Variants in STK3 observed in about 807,000 individuals in gnomAD.
The protein encoded by STK3 is serine/threonine-protein kinase 3.
STK3 carries 41 observed loss-of-function variants against 58.0 expected under a neutral mutation model. The observed-to-expected ratio is 0.71, with a 90% CI of 0.55 to 0.92. The LOEUF is 0.92. Ranked by LOEUF, STK3 falls within the 40% of genes least tolerant of loss-of-function variation. STK3 has a pLI of 0.00. For missense variants in STK3, 479 were observed against 602.7 expected, an observed-to-expected ratio of 0.79 and a Z score of 2.15; for synonymous variants, 170 against 191.0, an observed-to-expected ratio of 0.89 and a Z score of 0.91.
rs367741859 is a variant in STK3, at chr8:98,455,902, C to T, written c.1416G>A (p.Ala472=). 6.9e-5 allele frequency: 112 copies of T among 1,613,536 alleles called. No individual in the cohort carries two copies. Among genetic ancestry groups the T allele is most frequent in the East Asian group, 4.2e-4 (19 of 44,882 alleles). The stretch of plus-strand genomic sequence containing the variant: ...TCGCATCCAGAATGGGCTGTCTTTT[C>T]GCAGTGTATCTCTGACGAAGTTCTT... ...EIEELRQRYT[A]KRQPILDAMD... Residue 472 remains alanine (A), a synonymous_variant, in exon 11 of 11, where the codon GCG becomes GCA. Coordinates refer to ENST00000419617, the MANE Select transcript of STK3 (RefSeq NM_006281.4).
downstream of STK3, among the ~76,000 whole-genome samples, chr8:98,453,080 GTTTTTTTTTTT>G (rs919288019): frequency 2.5e-5 from 1 of 39,680 alleles, no homozygotes; most frequent in Non-Finnish European, 4.7e-5. Flanking sequence ...TTTCTTTCTT[GTTTTTTTTTTT>G]TTTTTTTTTT....
chr8:98,610,711 C>G (rs550056145), intron 6 of STK3, among the ~76,000 whole-genome samples: 1 of 152,228 alleles, frequency 6.6e-6, no homozygotes, highest in South Asian at 2.1e-4. Context: ...AGAGCATGAT[C>G]TAGGAGGGAA....
At chr8:98,839,678 A>G (rs1835889163) in intron 3 of STK3, among the ~76,000 whole-genome samples, 1 of 152,154 alleles carries the variant, frequency 6.6e-6, no homozygotes, top group African/African-American at 2.4e-5. Flanking sequence ...TTATCCATGG[A>G]ATACTTTTAC....
intron 1 of STK3, among the ~76,000 whole-genome samples, chr8:98,919,989 C>A (rs182469429): frequency 2.2e-4 from 33 of 152,276 alleles, no homozygotes; most frequent in African/African-American, 7.5e-4. Context: ...CTTATGAATC[C>A]AATCTTTTTC....
At chr8:98,651,380 C>T (rs1293088743) in intron 6 of STK3, 2 of 152,198 alleles carry the variant, frequency 1.3e-5, no homozygotes, top group Admixed American at 1.3e-4. Flanking sequence ...GATAAAACCA[C>T]AAAGATGGGG....
At chr8:98,441,720 C>T (rs557935786) in intron 1 of STK3, among the ~76,000 whole-genome samples, 1 of 152,182 alleles carries the variant, frequency 6.6e-6, no homozygotes, top group Non-Finnish European at 1.5e-5. Context: ...AGTGTCTCCC[C>T]TCTTGGCTTC....
intron 3 of STK3, among the ~76,000 whole-genome samples, chr8:98,394,011 C>T (rs568819570): frequency 1.3e-5 from 2 of 152,222 alleles, no homozygotes; most frequent in South Asian, 4.1e-4. Flanking sequence ...TATTGGAGTA[C>T]AAGGCTTTAG....
At chr8:98,516,232 A>G (rs927911302) in intron 10 of STK3, among the ~76,000 whole-genome samples, 1 of 152,220 alleles carries the variant, frequency 6.6e-6, no homozygotes, top group South Asian at 2.1e-4. Context: ...AAGAGGAAAA[A>G]AAAGTATAAA....
intron 1 of STK3, among the ~76,000 whole-genome samples, chr8:98,791,176 C>T (rs550430545): frequency 1.6e-4 from 24 of 152,186 alleles, no homozygotes; most frequent in African/African-American, 5.8e-4. Flanking sequence ...ACACCAACAG[C>T]GACCAAGCTG....
At chr8:98,401,309 G>C (rs1225513827), downstream of STK3, 1 of 152,240 alleles carries the variant, frequency 6.6e-6, no homozygotes, top group Non-Finnish European at 1.5e-5. Flanking sequence ...AACTGCAGGA[G>C]AGACCCCATG....
chr8:98,583,845 A>ATGTGTGTGTGTGTGTG lies in STK3; in HGVS notation c.823-4072_823-4057dup, dbSNP rs529496460. ...AACCTATGGGTAAGAGAGAGAGTGT[A>ATGTGTGTGTGTGTGTG]TGTGTGTGTGTGTGTGTGTGTGTGT... On this transcript the variant is annotated intron_variant, in intron 7 of 10. Transcript: ENST00000419617. Among the ~76,000 whole-genome samples the ATGTGTGTGTGTGTGTG allele has an allele frequency of 3.0e-4, 43 of 144,748 alleles. 1 individual carries two copies. Among genetic ancestry groups the ATGTGTGTGTGTGTGTG allele is most frequent in the African/African-American group, 8.3e-4 (33 of 39,692 alleles). 95.0% of individuals were successfully genotyped at this position (144,748 alleles called of 152,430 possible).
intron 1 of STK3, among the ~76,000 whole-genome samples, chr8:98,444,104 C>T (rs1394466078): frequency 6.6e-6 from 1 of 152,186 alleles, no homozygotes; most frequent in Non-Finnish European, 1.5e-5. Context: ...ACAGTCCTGG[C>T]CCTCAGGCAG....
At chr8:98,730,730 A>ACAAAC (rs1828125403) in intron 4 of STK3, among the ~76,000 whole-genome samples, 1 of 151,762 alleles carries the variant, frequency 6.6e-6, no homozygotes, top group African/African-American at 2.4e-5. Flanking sequence ...AAAAAAAAAA[A>ACAAAC]AAAAAAAACA....
chr8:98,918,963 C>A (rs1839447211), intron 1 of STK3, among the ~76,000 whole-genome samples: 1 of 151,412 alleles, frequency 6.6e-6, no homozygotes, highest in South Asian at 2.1e-4. Context: ...CATGGCCAAG[C>A]AGAAGAAAGG....
intron 3 of STK3, among the ~76,000 whole-genome samples, chr8:98,407,739 TGTGTGTGTGTGTGTGTGTGCGCGC>T (rs1818010192): frequency 6.7e-6 from 1 of 149,486 alleles, no homozygotes; most frequent in Admixed American, 6.6e-5. Context: ...TGTGTGTGTG[TGTGTGTGTGTGTGTGTGTGCGCGC>T]GCGCGCGCAT....
Position 98,428,729 on chromosome 8 carries a change from T to C in STK3, n.483+5398A>G, listed in dbSNP as rs1818283301. 6.2e-7 allele frequency: 1 copy of C among 1,614,120 alleles called. No homozygotes were observed. Among genetic ancestry groups the C allele is most frequent in the Admixed American group, 1.7e-5 (1 of 60,010 alleles). ...TGGTGGCCAGGTTTGCTGTGGCCCC[T>C]GACTTCCTCAAGTTCTTCAAGAATG... is the stretch of plus-strand genomic sequence containing the variant. On this transcript the variant is annotated intron_variant and non_coding_transcript_variant, in intron 3 of 3. Coordinates refer to the STK3 transcript ENST00000517832. This position sits in a 1 kb window ranked among gnomAD's most constrained non-coding sequence, Gnocchi z 6.7.
intron 1 of STK3, among the ~76,000 whole-genome samples, chr8:98,802,635 A>T (rs1194293501): frequency 6.6e-6 from 1 of 152,218 alleles, no homozygotes. Context: ...AATTGTTCTT[A>T]GAAATAATTA....
Position 98,429,402 on chromosome 8 carries a change from T to A in STK3, n.483+4725A>T. On this transcript the variant is annotated intron_variant and non_coding_transcript_variant, in intron 3 of 3. Transcript: ENST00000517832. ...ACCAAGTGAACTCAGTTTAAATGAT[T>A]CCCTACGTTAGCCGGGAGGACTTGT... 2 of 1,608,070 alleles carry A rather than the reference T, an allele frequency of 1.2e-6. No individual in the cohort carries two copies. Among genetic ancestry groups the A allele is most frequent in the Non-Finnish European group, 1.7e-6 (2 of 1,175,378 alleles).
At chr8:98,863,945 C>T (rs550914639) in intron 3 of STK3, among the ~76,000 whole-genome samples, 4 of 152,028 alleles carry the variant, frequency 2.6e-5, no homozygotes, top group Admixed American at 6.5e-5. Context: ...GCCTGTAATC[C>T]CAGCACTTTG....
Sources: gnomAD v4.1 joint callset for allele counts (sites outside exome capture counted in the v4.1 genomes callset) on GRCh38, gnomAD v4.1.1 for gene constraint, Gnocchi (gnomAD v3.1) non-coding constraint, MANE v1.5 for transcripts, NCBI Gene and HGNC (gene_info 2026-07-23, HGNC 2026-07-21) for gene names.